The following RELCH variants were observed in gnomAD, a reference collection of about 807,000 sequenced individuals.
RELCH encodes RAB11-binding protein RELCH.
Under a neutral mutation model 150.3 loss-of-function variants are expected in RELCH, and 41 were observed. The observed-to-expected ratio is 0.27, with a 90% CI of 0.21 to 0.35. The LOEUF is 0.35. Among genes scored for constraint, RELCH ranks in the 10% least tolerant of loss-of-function variants. The pLI, the probability that RELCH is intolerant of heterozygous loss-of-function variation, is 1.00. For synonymous variants in RELCH, 478 were observed against 531.8 expected, an observed-to-expected ratio of 0.90 and a Z score of 1.39; for missense variants, 1,092 against 1,467.8, an observed-to-expected ratio of 0.74 and a Z score of 4.18.
intron 8 of RELCH, 56 bp downstream of exon 8, chr18:62,228,654 A>C (rs2041365131): frequency 7.4e-7 from 1 of 1,345,544 alleles, no homozygotes; most frequent in African/African-American, 1.5e-5. Context: ...GTACATGTCA[A>C]ACGGGAAGAG....
intron 1 of RELCH, 82 bp downstream of exon 1, chr18:62,188,113 C>T: frequency 2.9e-6 from 4 of 1,396,110 alleles, no homozygotes; most frequent in Middle Eastern, 2.6e-4. Flanking sequence ...GGTATTTCTG[C>T]GTGGGTCCCG....
intron 25 of RELCH, among the ~76,000 whole-genome samples, chr18:62,283,856 G>T (rs1217829448): frequency 6.6e-6 from 1 of 152,150 alleles, no homozygotes; most frequent in African/African-American, 2.4e-5. Flanking sequence ...GGCTCAACAG[G>T]CAATGGGTCT....
intron 22 of RELCH, chr18:62,277,783 C>A: frequency 4.9e-6 from 4 of 816,728 alleles, no homozygotes; most frequent in East Asian, 1.2e-4. Context: ...TTTGAAGTAG[C>A]AAATTAATAA....
intron 1 of RELCH, among the ~76,000 whole-genome samples, chr18:62,195,593 A>G (rs1380593473): frequency 6.6e-6 from 1 of 152,004 alleles, no homozygotes; most frequent in Admixed American, 6.6e-5. Context: ...GATTTCTTTT[A>G]CCATGCCTTC....
chr18:62,264,512 G>A (rs2144726331), intron 17 of RELCH, among the ~76,000 whole-genome samples: 1 of 152,034 alleles, frequency 6.6e-6, no homozygotes, highest in Non-Finnish European at 1.5e-5. Flanking sequence ...CTACCATTAA[G>A]GTTTCATATA....
At chr18:62,209,506 A>G (rs1262383829) in intron 1 of RELCH, among the ~76,000 whole-genome samples, 3 of 152,204 alleles carry the variant, frequency 2.0e-5, no homozygotes, top group African/African-American at 7.2e-5. Context: ...TCTGTATGCC[A>G]AAACTGTGCT....
intron 27 of RELCH, among the ~76,000 whole-genome samples, chr18:62,293,567 C>A (rs898858558): frequency 3.3e-5 from 5 of 152,116 alleles, no homozygotes; most frequent in Non-Finnish European, 7.4e-5. Flanking sequence ...AATACCTTCA[C>A]AGCAATGCCT....
At chr18:62,267,109 T>G (rs1184715874) in intron 19 of RELCH, among the ~76,000 whole-genome samples, 1 of 151,948 alleles carries the variant, frequency 6.6e-6, no homozygotes, top group African/African-American at 2.4e-5. Context: ...TCTATAATAC[T>G]TTTAAAAATT....
intron 28 of RELCH, among the ~76,000 whole-genome samples, chr18:62,299,300 T>C (rs1246272430): frequency 6.6e-6 from 1 of 152,128 alleles, no homozygotes; most frequent in Non-Finnish European, 1.5e-5. Flanking sequence ...AATCCAAGGA[T>C]TCAGTAAAAT....
chr18:62,196,776 A>G (rs991212520), intron 1 of RELCH, among the ~76,000 whole-genome samples: 1 of 152,248 alleles, frequency 6.6e-6, no homozygotes, highest in Non-Finnish European at 1.5e-5. Context: ...CATTGTGGTC[A>G]GTTAAGGATT....
chr18:62,264,217 A>T, intron 17 of RELCH, 72 bp downstream of exon 17: 2 of 1,279,406 alleles, frequency 1.6e-6, no homozygotes, highest in Non-Finnish European at 2.2e-6. Flanking sequence ...TAAGAACAAA[A>T]TATAACAAAA....
chr18:62,288,451 G>A (rs554782395), intron 26 of RELCH, among the ~76,000 whole-genome samples: 4 of 152,210 alleles, frequency 2.6e-5, no homozygotes, highest in African/African-American at 9.6e-5. Flanking sequence ...GGACTAGAAT[G>A]TACCAATAAG....
intron 1 of RELCH, among the ~76,000 whole-genome samples, chr18:62,200,326 C>T (rs1225235099): frequency 3.3e-5 from 5 of 152,032 alleles, no homozygotes; most frequent in Non-Finnish European, 5.9e-5. Context: ...AAAGTTTTAC[C>T]GAAGTTTTAT....
At chr18:62,205,428 C>T (rs778634952) in intron 1 of RELCH, among the ~76,000 whole-genome samples, 3 of 152,006 alleles carry the variant, frequency 2.0e-5, no homozygotes, top group Admixed American at 6.6e-5. Flanking sequence ...TTTTTCCTAC[C>T]GTAAAGTACT....
Position 62,305,563 on chromosome 18 carries a change from T to G in RELCH, c.*29T>G. Reference sequence around the variant, plus strand: ...CAGGAAAGAAGCCCCCAGTAAACACTAAGATGGACCTCAAGCCGACTGGTT... The same window carrying G: ...CAGGAAAGAAGCCCCCAGTAAACACGAAGATGGACCTCAAGCCGACTGGTT... On this transcript the variant is annotated 3_prime_UTR_variant, in exon 29 of 29. Transcript: ENST00000644646. This position sits in a 1 kb window ranked among gnomAD's most constrained non-coding sequence, Gnocchi z 4.0. 1.3e-6 allele frequency: 2 copies of G among 1,588,348 alleles called. No homozygotes were observed. The highest frequency in any genetic ancestry group is 4.5e-5 in the East Asian group (2 of 44,054).
intron 10 of RELCH, among the ~76,000 whole-genome samples, chr18:62,242,663 A>G (rs543359387): frequency 2.0e-5 from 3 of 152,184 alleles, no homozygotes; most frequent in Non-Finnish European, 4.4e-5. Flanking sequence ...TTCAGTTAAA[A>G]TATTGTCCAT....
intron 1 of RELCH, among the ~76,000 whole-genome samples, chr18:62,208,461 G>A (rs1320164146): frequency 1.3e-5 from 2 of 151,808 alleles, no homozygotes; most frequent in African/African-American, 2.4e-5. Context: ...TGACAAAAAC[G>A]TCATAGCTCA....
chr18:62,246,343 T>A (rs1435788601), intron 11 of RELCH: 1 of 152,230 alleles, frequency 6.6e-6, no homozygotes, highest in Non-Finnish European at 1.5e-5. Flanking sequence ...TCTGAGCTAC[T>A]TTTTAATGTT....
chr18:62,243,846 G>T (rs2042269714), intron 10 of RELCH, among the ~76,000 whole-genome samples: 1 of 152,110 alleles, frequency 6.6e-6, no homozygotes, highest in South Asian at 2.1e-4. Context: ...TGAGTATCAA[G>T]ACAGATGGGA....
Sources: allele counts gnomAD v4.1 joint callset (sites outside exome capture counted in the v4.1 genomes callset), GRCh38; gene constraint gnomAD v4.1.1; non-coding constraint Gnocchi (gnomAD v3.1); transcripts MANE v1.5; gene names NCBI Gene and HGNC (gene_info 2026-07-23, HGNC 2026-07-21).